Variants in SLC26A7 observed in about 807,000 individuals in gnomAD.
SLC26A7 encodes solute carrier family 26 member 7.
In SLC26A7, 59 loss-of-function variants were observed where a neutral mutation model predicts 82.5. That is an observed-to-expected ratio of 0.72 (90% CI 0.58 to 0.89). The LOEUF is 0.89. Among genes scored for constraint, SLC26A7 ranks in the 40% least tolerant of loss-of-function variants. SLC26A7 has a pLI of 0.00. For synonymous variants in SLC26A7, 271 were observed against 274.3 expected (o/e 0.99, Z 0.12); for missense variants, 820 against 793.0 (o/e 1.03, Z -0.41).
chr8:91,380,374 A>C (rs1181681989), intron 15 of SLC26A7, among the ~76,000 whole-genome samples: 1 of 152,164 alleles, frequency 6.6e-6, no homozygotes, highest in Non-Finnish European at 1.5e-5. Context: ...CCCTATACAC[A>C]TAGTCTGAAG....
chr8:91,390,110 C>CTTTTT (rs1202015002), intron 16 of SLC26A7, among the ~76,000 whole-genome samples: 3 of 139,224 alleles, frequency 2.2e-5, no homozygotes, highest in Non-Finnish European at 3.1e-5. Context: ...CCCCACCCGC[C>CTTTTT]TTTTTTTTTT....
chr8:91,287,940 G>A (rs1020735932), intron 2 of SLC26A7, among the ~76,000 whole-genome samples: 3 of 151,994 alleles, frequency 2.0e-5, no homozygotes, highest in African/African-American at 4.8e-5. Flanking sequence ...CACTTTTATC[G>A]TATTTTCACC....
At chr8:91,275,539 A>G (rs1369228289) in intron 2 of SLC26A7, among the ~76,000 whole-genome samples, 1 of 152,076 alleles carries the variant, frequency 6.6e-6, no homozygotes. Flanking sequence ...GGCTCAAGTG[A>G]TCCACCCTCC....
chr8:91,382,033 C>T (rs757805443), intron 15 of SLC26A7, among the ~76,000 whole-genome samples: 12 of 152,026 alleles, frequency 7.9e-5, no homozygotes, highest in Admixed American at 3.3e-4. Flanking sequence ...GCATACCAGA[C>T]ACAATAATAG....
chr8:91,212,966 G>A (rs973333439), intron 1 of SLC26A7, among the ~76,000 whole-genome samples: 4 of 151,962 alleles, frequency 2.6e-5, no homozygotes, highest in African/African-American at 7.3e-5. Context: ...TTACCCTTTC[G>A]GAGAACTCTC....
At chr8:91,233,635 C>G (rs1429094442) in intron 2 of SLC26A7, among the ~76,000 whole-genome samples, 2 of 151,468 alleles carry the variant, frequency 1.3e-5, no homozygotes, top group Non-Finnish European at 3.0e-5. Context: ...GGGTGTGGAA[C>G]CTGAAATCTC....
At chr8:91,265,537 T>C (rs11991583) in intron 2 of SLC26A7, among the ~76,000 whole-genome samples, 34,338 of 151,956 alleles carry the variant, frequency 0.23, 5,378 homozygotes, top group African/African-American at 0.44. Flanking sequence ...TTCTGCATCC[T>C]CACTAGCATT....
At chr8:91,319,003 A>G (rs1211904140) in intron 5 of SLC26A7, among the ~76,000 whole-genome samples, 1 of 152,236 alleles carries the variant, frequency 6.6e-6, no homozygotes, top group Non-Finnish European at 1.5e-5. Context: ...TTTGCTGACA[A>G]CCAAACTTTG....
In SLC26A7 at chr8:91,289,240, G is replaced by A. The variant is rs1811796975; in HGVS notation, c.298G>A (p.Ala100Thr). 3 of 1,607,716 alleles carry A rather than the reference G, an allele frequency of 1.9e-6. No individual in the cohort carries two copies. The highest frequency in any genetic ancestry group is 2.6e-6 in the Non-Finnish European group (3 of 1,174,330). ...CATATTTGGAATGGGACATCATGTT[G>A]CCACAGGTAATAATTCCTATGTTTA... The part of the protein sequence containing the change: ...YAIFGMGHHV[A>T]TGTFALTSLI... Residue 100 changes from alanine to threonine, a missense_variant, in exon 3 of 19, where the codon GCC becomes ACC. Ala to Thr is a moderately conservative substitution (Grantham distance 58). Coordinates refer to ENST00000276609, the MANE Select transcript of SLC26A7 (RefSeq NM_052832.4).
At chr8:91,288,103 T>C (rs1240174139) in intron 2 of SLC26A7, among the ~76,000 whole-genome samples, 2 of 152,196 alleles carry the variant, frequency 1.3e-5, no homozygotes, top group African/African-American at 4.8e-5. Flanking sequence ...CTACGGAGCT[T>C]ATTAAGAAGG....
Position 91,396,403 on chromosome 8 carries a change from A to C in SLC26A7, c.*1306A>C, listed in dbSNP as rs1046817548. 1.3e-5 allele frequency: 2 copies of C among 152,000 alleles called. No individual in the cohort carries two copies. Among genetic ancestry groups the C allele is most frequent in the Non-Finnish European group, 1.5e-5 (1 of 67,888 alleles). 9.4% of individuals were successfully genotyped at this position (152,000 alleles called of 1,614,324 possible). A position where few individuals can be genotyped will look rare whatever the true frequency, so the allele number is the denominator to read the frequency against. ...GAAACAAGTTGAAACTAAAATTAAA[A>C]TACCAGCCATTTAGGTGCTTTCTCT... is the stretch of plus-strand genomic sequence containing the variant. On this transcript the variant is annotated 3_prime_UTR_variant, in exon 19 of 19. Transcript: ENST00000276609.
chr8:91,346,693 T>C (rs1488950854), intron 9 of SLC26A7, among the ~76,000 whole-genome samples: 1 of 152,202 alleles, frequency 6.6e-6, no homozygotes, highest in Admixed American at 6.5e-5. Flanking sequence ...TTATTTTTGC[T>C]TAAAGTCCTT....
At chr8:91,231,433 G>A (rs73305618) in intron 2 of SLC26A7, among the ~76,000 whole-genome samples, 4 of 152,244 alleles carry the variant, frequency 2.6e-5, no homozygotes, top group East Asian at 1.9e-4. Context: ...TTGTAATGGC[G>A]AGAAGGCCAA....
chr8:91,234,929 T>A lies in SLC26A7; in HGVS notation c.-33-14690T>A, dbSNP rs181837066. ...CTCTGTTTCTTTCTTTCTTTCTTTTTCTTTTTTTGAGGCAGGGTTTTCCTC... is the reference window on the plus strand; with the variant it reads ...CTCTGTTTCTTTCTTTCTTTCTTTTACTTTTTTTGAGGCAGGGTTTTCCTC... On this transcript the variant is annotated intron_variant, in intron 2 of 5. Coordinates refer to the SLC26A7 transcript ENST00000522862. 4.6e-5 allele frequency among the ~76,000 whole-genome samples: 7 copies of A among 151,742 alleles called. No homozygotes were observed. The East Asian group carries it at 1.4e-3, about 29-fold the overall frequency.
At chr8:91,352,164 G>T (rs1813734900) in intron 10 of SLC26A7, among the ~76,000 whole-genome samples, 1 of 152,174 alleles carries the variant, frequency 6.6e-6, no homozygotes, top group Non-Finnish European at 1.5e-5. Flanking sequence ...GTGGAACTAG[G>T]CATATTCTGT....
At chr8:91,260,178 G>A (rs946893666) in intron 2 of SLC26A7, among the ~76,000 whole-genome samples, 11 of 152,196 alleles carry the variant, frequency 7.2e-5, no homozygotes, top group African/African-American at 2.6e-4. Context: ...GGCTGGGGAG[G>A]CCTCAGAAAA....
intron 12 of SLC26A7, 82 bp downstream of exon 12, chr8:91,362,541 A>T: frequency 9.9e-7 from 1 of 1,006,110 alleles, no homozygotes; most frequent in Non-Finnish European, 1.5e-6. Flanking sequence ...CTTGCTAGTT[A>T]CTTTTATTTC....
chr8:91,227,076 C>G (rs1231609167), intron 2 of SLC26A7, among the ~76,000 whole-genome samples: 1 of 152,188 alleles, frequency 6.6e-6, no homozygotes, highest in Admixed American at 6.5e-5. Flanking sequence ...ATCAATCTCA[C>G]TCCACATATA....
At chr8:91,380,536 C>A (rs991315524) in intron 15 of SLC26A7, among the ~76,000 whole-genome samples, 1 of 152,144 alleles carries the variant, frequency 6.6e-6, no homozygotes, top group African/African-American at 2.4e-5. Context: ...AATAAGCTAT[C>A]ATTTTCTTAC....
Sources: allele counts gnomAD v4.1 joint callset (sites outside exome capture counted in the v4.1 genomes callset), GRCh38; gene constraint gnomAD v4.1.1; transcripts MANE v1.5; gene names NCBI Gene and HGNC (gene_info 2026-07-23, HGNC 2026-07-21).